The following GPC5 variants were observed in gnomAD, a reference collection of about 807,000 sequenced individuals.
The protein encoded by GPC5 is glypican 5, also known as glypican-5.
A neutral mutation model predicts 53.9 loss-of-function variants in GPC5; 47 were observed. The observed-to-expected ratio is 0.87, with a 90% CI of 0.69 to 1.11. The LOEUF is 1.11. GPC5 is among the 50% of genes most tolerant of loss of function. The pLI is 0.00. For missense variants in GPC5, 748 were observed against 713.1 expected, an observed-to-expected ratio of 1.05 and a Z score of -0.56; for synonymous variants, 286 against 263.3, an observed-to-expected ratio of 1.09 and a Z score of -0.84.
intron 7 of GPC5, among the ~76,000 whole-genome samples, chr13:92,221,248 T>C (rs1195420071): frequency 6.6e-6 from 1 of 152,186 alleles, no homozygotes; most frequent in Non-Finnish European, 1.5e-5. Context: ...TTTCTTAGAA[T>C]GTTTCCATTA....
intron 2 of GPC5, among the ~76,000 whole-genome samples, chr13:91,463,476 T>C (rs1882057724): frequency 6.6e-6 from 1 of 152,088 alleles, no homozygotes; most frequent in Non-Finnish European, 1.5e-5. Flanking sequence ...AAAATTTATG[T>C]GGAAAGGCAG....
chr13:92,126,263 A>G (rs1334008111), intron 6 of GPC5, among the ~76,000 whole-genome samples: 1 of 152,116 alleles, frequency 6.6e-6, no homozygotes, highest in Admixed American at 6.5e-5. Context: ...AAAATATTTC[A>G]TCAGAAATAT....
intron 1 of GPC5, among the ~76,000 whole-genome samples, chr13:91,423,704 TG>T (rs937977060): frequency 2.0e-5 from 3 of 152,148 alleles, no homozygotes; most frequent in Non-Finnish European, 4.4e-5. Flanking sequence ...ATTTCAAAAT[TG>T]GGAAAAGAGT....
intron 6 of GPC5, among the ~76,000 whole-genome samples, chr13:92,081,924 A>C (rs1350938073): frequency 1.3e-5 from 2 of 152,196 alleles, no homozygotes; most frequent in African/African-American, 4.8e-5. Flanking sequence ...GTAAAATAGA[A>C]AATATATGAA....
rs140656841 is a variant in GPC5, at chr13:92,269,209, T to C, written c.1561+124220T>C. Reference sequence around the variant, plus strand: ...ATATAATGCTTGGATCCTTTATCCATTTGAAATTTGTTTTTGTATATGCTA... The same window carrying C: ...ATATAATGCTTGGATCCTTTATCCACTTGAAATTTGTTTTTGTATATGCTA... On this transcript the variant is annotated intron_variant, in intron 7 of 7. Coordinates refer to ENST00000377067, the MANE Select transcript of GPC5 (RefSeq NM_004466.6). Among the ~76,000 whole-genome samples the C allele has an allele frequency of 3.9e-4, 59 of 152,246 alleles. 1 individual carries two copies. The East Asian group carries it at 8.5e-3, about 22-fold the overall frequency.
chr13:92,407,386 A>C (rs1875839500), intron 7 of GPC5, among the ~76,000 whole-genome samples: 1 of 152,174 alleles, frequency 6.6e-6, no homozygotes, highest in Non-Finnish European at 1.5e-5. Context: ...CCTCGACAAG[A>C]TATTCTCTAT....
chr13:92,569,914 T>G (rs1882972354), intron 7 of GPC5, among the ~76,000 whole-genome samples: 2 of 152,198 alleles, frequency 1.3e-5, no homozygotes, highest in Non-Finnish European at 2.9e-5. Context: ...TTCTTTCCTA[T>G]AATCTCTTTA....
At chr13:92,613,404 ATAT>A (rs1414104569) in intron 7 of GPC5, among the ~76,000 whole-genome samples, 1 of 84,520 alleles carries the variant, frequency 1.2e-5, no homozygotes, top group Non-Finnish European at 2.1e-5. Context: ...AATATATATT[ATAT>A]TATATATAAA....
At chr13:91,984,033 C>A (rs1283694210) in intron 6 of GPC5, among the ~76,000 whole-genome samples, 6 of 152,052 alleles carry the variant, frequency 3.9e-5, no homozygotes, top group Non-Finnish European at 8.8e-5. Context: ...AAGTAAGTGT[C>A]CAACTTTATA....
intron 7 of GPC5, among the ~76,000 whole-genome samples, chr13:92,225,463 T>C (rs186916041): frequency 5.3e-5 from 8 of 152,294 alleles, no homozygotes; most frequent in African/African-American, 1.7e-4. Flanking sequence ...CCGTCTGACC[T>C]CAGGAGCTAT....
chr13:92,010,416 A>G (rs536143926), intron 6 of GPC5, among the ~76,000 whole-genome samples: 2 of 152,314 alleles, frequency 1.3e-5, no homozygotes, highest in African/African-American at 4.8e-5. Flanking sequence ...GAATATCGCA[A>G]TAAGAGTTTT....
chr13:91,827,063 T>C (rs1448855554), intron 5 of GPC5, among the ~76,000 whole-genome samples: 1 of 151,824 alleles, frequency 6.6e-6, no homozygotes, highest in Non-Finnish European at 1.5e-5. Context: ...TATTTAAAAA[T>C]AAAATAGTGG....
At chr13:92,597,223 C>T (rs1883910608) in intron 7 of GPC5, among the ~76,000 whole-genome samples, 1 of 151,812 alleles carries the variant, frequency 6.6e-6, no homozygotes, top group South Asian at 2.1e-4. Flanking sequence ...CTCAACCATC[C>T]ACATCCTCAT....
chr13:92,800,599 G>A (rs1876865752), intron 7 of GPC5, among the ~76,000 whole-genome samples: 1 of 151,794 alleles, frequency 6.6e-6, no homozygotes, highest in African/African-American at 2.4e-5. Flanking sequence ...TATGAATGAA[G>A]ATAACAGGTG....
At chr13:91,502,252 A>C (rs981431147) in intron 2 of GPC5, among the ~76,000 whole-genome samples, 55 of 152,150 alleles carry the variant, frequency 3.6e-4, no homozygotes, top group Middle Eastern at 3.4e-3. Context: ...TAGTTTAATT[A>C]GATCCCATTT....
At chr13:92,034,505 A>G (rs894128886) in intron 6 of GPC5, among the ~76,000 whole-genome samples, 1 of 152,148 alleles carries the variant, frequency 6.6e-6, no homozygotes, top group Non-Finnish European at 1.5e-5. Flanking sequence ...TCTCAAAATA[A>G]AATTTAAAAA....
At chr13:92,461,325 G>T (rs1878470616) in intron 7 of GPC5, among the ~76,000 whole-genome samples, 1 of 152,190 alleles carries the variant, frequency 6.6e-6, no homozygotes, top group African/African-American at 2.4e-5. Context: ...ATAAATAATG[G>T]AATGGACAGA....
chr13:91,786,945 C>CT (rs34996570), intron 5 of GPC5, among the ~76,000 whole-genome samples: 54,983 of 142,630 alleles, frequency 0.39, 11,652 homozygotes, highest in East Asian at 0.86. Flanking sequence ...AAGTGTTTCT[C>CT]TTTTTTTTTT....
chr13:91,501,851 C>T (rs1346196339), intron 2 of GPC5, among the ~76,000 whole-genome samples: 1 of 152,206 alleles, frequency 6.6e-6, no homozygotes, highest in African/African-American at 2.4e-5. Flanking sequence ...AACTAGTTTA[C>T]AGTTCCACCA....
Sources: allele counts gnomAD v4.1 joint callset (sites outside exome capture counted in the v4.1 genomes callset), GRCh38; gene constraint gnomAD v4.1.1; transcripts MANE v1.5; gene names NCBI Gene and HGNC (gene_info 2026-07-23, HGNC 2026-07-21).